The following EMC4 variants were observed in gnomAD, a reference collection of about 807,000 sequenced individuals.
EMC4 encodes the protein ER membrane protein complex subunit 4.
A neutral mutation model predicts 24.2 loss-of-function variants in EMC4; 9 were observed. The observed-to-expected ratio is 0.37, with a 90% CI of 0.22 to 0.65. EMC4 has a LOEUF of 0.65. Ranked by LOEUF, EMC4 falls within the 30% of genes least tolerant of loss-of-function variation. The probability of loss-of-function intolerance (pLI) is 0.59; values close to 1 mark genes in which losing one functional copy is unlikely to be tolerated. For missense variants in EMC4, 169 were observed against 234.6 expected, an observed-to-expected ratio of 0.72 and a Z score of 1.83; for synonymous variants, 86 against 81.1, an observed-to-expected ratio of 1.06 and a Z score of -0.32.
intron 4 of EMC4, 33 bp downstream of exon 4, chr15:34,228,622 T>C (rs756844382): frequency 4.4e-6 from 7 of 1,598,562 alleles, no homozygotes; most frequent in Admixed American, 1.7e-5. Context: ...TTTTGGGTAG[T>C]TGTAGTATAC....
intron 2 of EMC4, chr15:34,225,942 A>G: frequency 4.9e-6 from 2 of 411,352 alleles, no homozygotes; most frequent in East Asian, 1.3e-4. Flanking sequence ...CCCTTACACC[A>G]CATATCCAAC....
chr15:34,228,243 G>C, intron 3 of EMC4, 186 bp from the exon 4 acceptor site: 1 of 613,792 alleles, frequency 1.6e-6, no homozygotes. Context: ...CAGGTATATA[G>C]GGGAGTGGGG....
chr15:34,225,424 T>G, intron 1 of EMC4, 112 bp from the exon 2 acceptor site: 1 of 897,454 alleles, frequency 1.1e-6, no homozygotes, highest in African/African-American at 1.6e-5. Flanking sequence ...GGGCTTGGTC[T>G]AATCTGAGTA....
chr15:34,225,523 T>C lies in EMC4; in HGVS notation c.87-13T>C, dbSNP rs764065976. On this transcript the variant is annotated splice_polypyrimidine_tract_variant and intron_variant, in intron 1 of 4. Coordinates refer to ENST00000267750, the MANE Select transcript of EMC4 (RefSeq NM_016454.4). ...GGAGGTTGCAGCTTTAGTTTCTTGG[T>C]TTGGTTTTTTAGGGGTCGAAGTGAC... 6.2e-7 allele frequency: 1 copy of C among 1,604,418 alleles called. No individual in the cohort carries two copies. Among genetic ancestry groups the C allele is most frequent in the Non-Finnish European group, 8.5e-7 (1 of 1,171,324 alleles).
Position 34,225,170 on chromosome 15 carries a change from T to C in EMC4, c.56T>C (p.Ile19Thr), listed in dbSNP as rs371572098. 2.6e-5 allele frequency: 41 copies of C among 1,551,316 alleles called. No individual in the cohort carries two copies. The highest frequency in any genetic ancestry group is 3.3e-5 in the Non-Finnish European group (38 of 1,146,854). ...CGAGGCCGGCGCTTCAAGTGGGCCA[T>C]TGAGCTAAGCGGGCCTGGAGGAGGC... is the stretch of plus-strand genomic sequence containing the variant. ...ANRGRRFKWAIELSGPGGGSR... is the reference protein window; with the variant it reads ...ANRGRRFKWATELSGPGGGSR... Residue 19 changes from isoleucine (I) to threonine (T), a missense_variant, in exon 1 of 5, where the codon ATT (isoleucine) becomes ACT (threonine). Physicochemically the swap from Ile to Thr is moderately conservative, Grantham distance 89 (BLOSUM62 -1). Transcript: ENST00000267750.
Position 34,225,120 on chromosome 15 carries a change from G to C in EMC4, c.6G>C (p.Thr2=). ...TATAGGACGCAGCTGTTGCCATGAC[G>C]GCCCAGGGGGGCCTGGTGGCTAACC... M[T]AQGGLVANRG... is the part of the protein sequence containing the mutation. Residue 2 remains threonine, a synonymous_variant, in exon 1 of 5, where the codon ACG becomes ACC. Transcript: ENST00000267750. 9 of 1,551,702 alleles carry C rather than the reference G, an allele frequency of 5.8e-6. No individual in the cohort carries two copies. The highest frequency in any genetic ancestry group is 7.8e-6 in the Non-Finnish European group (9 of 1,146,966).
At position 34,225,113 on chromosome 15, in the gene EMC4, C is replaced by T. The variant is rs150984739; in HGVS notation, c.-2C>T. 904 of 1,551,568 alleles carry T rather than the reference C, an allele frequency of 5.8e-4. 2 individuals are homozygous for T. The African/African-American group carries it at 0.011, about 20-fold the overall frequency. On this transcript the variant is annotated 5_prime_UTR_variant, in exon 1 of 5. Coordinates refer to ENST00000267750, the MANE Select transcript of EMC4 (RefSeq NM_016454.4). The stretch of plus-strand genomic sequence containing the variant: ...TCGAGGCTATAGGACGCAGCTGTTG[C>T]CATGACGGCCCAGGGGGGCCTGGTG...
Position 34,225,094 on chromosome 15 carries a change from C to A in EMC4, c.-21C>A. 1 of 1,547,622 alleles carries A rather than the reference C, an allele frequency of 6.5e-7. No individual in the cohort carries two copies. The highest frequency in any genetic ancestry group is 1.2e-5 in the South Asian group (1 of 83,992). ...CGCTTTGGACTGAGAAGCATCGAGG[C>A]TATAGGACGCAGCTGTTGCCATGAC... On this transcript the variant is annotated 5_prime_UTR_variant, in exon 1 of 5. Transcript: ENST00000267750.
At chr15:34,229,732 A>ATTCT in intron 4 of EMC4, 21 bp from the exon 5 acceptor site, 2 of 1,409,044 alleles carry the variant, frequency 1.4e-6, no homozygotes, top group East Asian at 2.3e-5. Flanking sequence ...TCACCTATTT[A>ATTCT]TTCTTTCTTT....
chr15:34,229,571 G>A (rs562331165), intron 4 of EMC4, 182 bp from the exon 5 acceptor site: 11 of 553,526 alleles, frequency 2.0e-5, no homozygotes, highest in African/African-American at 3.9e-5. Context: ...GGGCTCAAGC[G>A]ATCTGCCTGC....
At chr15:34,228,338 GGTCT>G in intron 3 of EMC4, 87 bp from the exon 4 acceptor site, 1 of 1,359,590 alleles carries the variant, frequency 7.4e-7, no homozygotes, top group Non-Finnish European at 1.0e-6. Flanking sequence ...TCTTACTATG[GGTCT>G]GTCTATATGA....
intron 2 of EMC4, chr15:34,227,264 C>G (rs1452267888): frequency 6.5e-6 from 1 of 154,890 alleles, no homozygotes; most frequent in Non-Finnish European, 1.4e-5. Flanking sequence ...TCTTCTATGT[C>G]TTGATTTGCC....
Position 34,229,809 on chromosome 15 carries a change from G to A in EMC4, c.*21G>A, listed in dbSNP as rs956657172. The A allele has an allele frequency of 6.2e-7, 1 of 1,612,212 alleles. No homozygotes were observed. The highest frequency in any genetic ancestry group is 1.3e-5 in the African/African-American group (1 of 75,002). On this transcript the variant is annotated 3_prime_UTR_variant, in exon 5 of 5. Coordinates refer to ENST00000267750, the MANE Select transcript of EMC4 (RefSeq NM_016454.4). ...TGTGAACATGAGAAAGCAGCGCCTG[G>A]TCCCTATGTATTTGGGTCTTATTTA...
chr15:34,227,880 G>A, intron 3 of EMC4, 34 bp downstream of exon 3: 2 of 1,603,416 alleles, frequency 1.2e-6, no homozygotes, highest in East Asian at 2.2e-5. Flanking sequence ...CCTTCCATAA[G>A]TTTGAAGAAT....
At chr15:34,228,169 C>T (rs1036974513) in intron 3 of EMC4, 24 of 476,670 alleles carry the variant, frequency 5.0e-5, no homozygotes, top group East Asian at 4.1e-4. Context: ...GGTGACAGAA[C>T]GAGACTCCAT....
chr15:34,229,281 C>A, intron 4 of EMC4: 1 of 153,942 alleles, frequency 6.5e-6, no homozygotes, highest in Non-Finnish European at 1.4e-5. Context: ...CTCCTGACCT[C>A]AGGTGATCCA....
At chr15:34,225,473 C>T in intron 1 of EMC4, 63 bp from the exon 2 acceptor site, 1 of 1,262,714 alleles carries the variant, frequency 7.9e-7, no homozygotes, top group South Asian at 1.2e-5. Flanking sequence ...ATTGGTAGAT[C>T]AGGAAATGTG....
In EMC4 at chr15:34,229,783, T is replaced by C. The variant is rs1352179005; in HGVS notation, c.547T>C (p.Leu183=). The C allele has an allele frequency of 3.1e-6, 5 of 1,610,008 alleles. No homozygotes were observed. The Admixed American group carries it at 6.8e-5, about 22-fold the overall frequency. The change falls in exon 5 of 5, where the codon TTG becomes CTG. Residue 183 remains leucine (L), a synonymous_variant. Transcript: ENST00000267750. ...GGAGTTCAGTGGTGGAGGACTGCTT[T>C]TGTGAACATGAGAAAGCAGCGCCTG... The part of the protein sequence containing the change: ...RMEFSGGGLL[L]
rs756496257 is a variant in EMC4 at position 34,227,770 on chromosome 15, T to C, written c.279T>C (p.Thr93=). The part of the protein sequence containing the change: ...NLFIMYMAGN[T]ISIFPTMMVC... ...TCATCATGTACATGGCAGGCAATAC[T>C]ATCTCCATCTTCCCTACTATGATGG... Residue 93 remains threonine, a synonymous_variant, in exon 3 of 5, where the codon ACT becomes ACC. Coordinates refer to ENST00000267750, the MANE Select transcript of EMC4 (RefSeq NM_016454.4). The C allele has an allele frequency of 2.0e-5, 33 of 1,613,970 alleles. No individual in the cohort carries two copies. Among genetic ancestry groups the C allele is most frequent in the Non-Finnish European group, 1.2e-5 (14 of 1,179,922 alleles).
Sources: gnomAD v4.1 joint callset for allele counts on GRCh38, gnomAD v4.1.1 for gene constraint, MANE v1.5 for transcripts, NCBI Gene and HGNC (gene_info 2026-07-23, HGNC 2026-07-21) for gene names.